CCDC91: variants seen among roughly 807,000 people sequenced by gnomAD.
CCDC91 encodes coiled-coil domain containing 91.
CCDC91 carries 48 observed loss-of-function variants against 63.2 expected under a neutral mutation model. The ratio of observed to expected loss-of-function variants is 0.76; its 90% CI spans 0.60 to 0.97. The LOEUF (loss-of-function observed/expected upper bound fraction) is 0.97, where lower values mean the gene tolerates loss of function less well. Ranked by LOEUF, CCDC91 falls within the 50% of genes least tolerant of loss-of-function variation. The probability of loss-of-function intolerance (pLI) is 0.00; values close to 1 mark genes in which losing one functional copy is unlikely to be tolerated. For missense variants in CCDC91, 500 were observed against 494.6 expected (o/e 1.01, Z -0.10); for synonymous variants, 167 against 165.8 (o/e 1.01, Z -0.06).
At chr12:28,379,133 A>G (rs1249410588) in intron 7 of CCDC91, among the ~76,000 whole-genome samples, 1 of 152,110 alleles carries the variant, frequency 6.6e-6, no homozygotes, top group African/African-American at 2.4e-5. Flanking sequence ...TCTGTTGTGT[A>G]GCAGACTTTT....
intron 8 of CCDC91, among the ~76,000 whole-genome samples, chr12:28,417,967 T>C (rs1947782709): frequency 6.6e-6 from 1 of 152,152 alleles, no homozygotes; most frequent in Non-Finnish European, 1.5e-5. Flanking sequence ...ATTTAGCAAT[T>C]GAAGGAAATT....
chr12:28,422,477 T>C (rs1454495589), intron 8 of CCDC91, among the ~76,000 whole-genome samples: 1 of 152,098 alleles, frequency 6.6e-6, no homozygotes, highest in Non-Finnish European at 1.5e-5. Flanking sequence ...ATTCTAAGCA[T>C]ACCATCAGGA....
chr12:28,506,871 A>G (rs1938786811), intron 12 of CCDC91, among the ~76,000 whole-genome samples: 1 of 151,818 alleles, frequency 6.6e-6, no homozygotes, highest in African/African-American at 2.4e-5. Flanking sequence ...AAAAAAAAAA[A>G]AAGACAAAAC....
At chr12:28,215,563 G>A (rs1307444990) in intron 1 of CCDC91, among the ~76,000 whole-genome samples, 2 of 152,022 alleles carry the variant, frequency 1.3e-5, no homozygotes, top group Non-Finnish European at 2.9e-5. Context: ...TAAGAAGAGT[G>A]GCCTTTAGCT....
chr12:28,218,699 T>TTGTGTGTGTGTG (rs60247849), intron 1 of CCDC91, among the ~76,000 whole-genome samples: 3 of 146,528 alleles, frequency 2.0e-5, no homozygotes, highest in Non-Finnish European at 3.0e-5. Flanking sequence ...TTGCAGATGT[T>TTGTGTGTGTGTG]TGTGTGTGTG....
intron 7 of CCDC91, among the ~76,000 whole-genome samples, chr12:28,363,116 G>A (rs1424499591): frequency 6.6e-6 from 1 of 151,792 alleles, no homozygotes; most frequent in African/African-American, 2.4e-5. Flanking sequence ...AGTAATTAAG[G>A]ATGAATATGT....
chr12:28,224,207 A>G (rs1944129531), intron 1 of CCDC91, among the ~76,000 whole-genome samples: 1 of 152,150 alleles, frequency 6.6e-6, no homozygotes, highest in African/African-American at 2.4e-5. Context: ...GTCATAATGC[A>G]GTTGGCTTAA....
chr12:28,322,005 A>C (rs1940554047), intron 6 of CCDC91, among the ~76,000 whole-genome samples: 1 of 151,764 alleles, frequency 6.6e-6, no homozygotes. Context: ...GCTTTAATTT[A>C]TAAATATATG....
chr12:28,257,002 A>C (rs1184435495), intron 1 of CCDC91, 200 bp from the exon 2 acceptor site: 1 of 467,384 alleles, frequency 2.1e-6, no homozygotes, highest in Non-Finnish European at 3.8e-6. Flanking sequence ...GGCAAAATAC[A>C]TGGTTGCTGA....
At chr12:28,197,134 C>T (rs1941828644) in intron 1 of CCDC91, among the ~76,000 whole-genome samples, 1 of 151,652 alleles carries the variant, frequency 6.6e-6, no homozygotes, top group Non-Finnish European at 1.5e-5. Context: ...TTCTTATATC[C>T]ACTGCCTCTG....
At chr12:28,426,648 G>C (rs1167634858) in intron 8 of CCDC91, among the ~76,000 whole-genome samples, 1 of 151,958 alleles carries the variant, frequency 6.6e-6, no homozygotes, top group East Asian at 1.9e-4. Flanking sequence ...TTGATTTCTA[G>C]CATTTTCCTT....
chr12:28,338,522 A>C (rs1340797483), intron 6 of CCDC91, among the ~76,000 whole-genome samples: 1 of 152,106 alleles, frequency 6.6e-6, no homozygotes, highest in Non-Finnish European at 1.5e-5. Context: ...TGGGTGCTGG[A>C]AGGGGTAATC....
At chr12:28,340,314 A>G (rs1209266526) in intron 6 of CCDC91, among the ~76,000 whole-genome samples, 1 of 152,158 alleles carries the variant, frequency 6.6e-6, no homozygotes, top group African/African-American at 2.4e-5. Flanking sequence ...GTATTCTCTT[A>G]TCTCCTTGTT....
At chr12:28,290,195 G>A (rs2136761828) in intron 3 of CCDC91, among the ~76,000 whole-genome samples, 2 of 152,244 alleles carry the variant, frequency 1.3e-5, no homozygotes, top group South Asian at 4.1e-4. Flanking sequence ...GTGCTCCTGT[G>A]TTGGTCGCAT....
chr12:28,492,406 A>G (rs1487992926), intron 12 of CCDC91, among the ~76,000 whole-genome samples: 2 of 151,732 alleles, frequency 1.3e-5, no homozygotes, highest in Non-Finnish European at 2.9e-5. Flanking sequence ...CTTATAATCT[A>G]TAATCACTTG....
chr12:28,309,601 C>T (rs1667924525), intron 6 of CCDC91, among the ~76,000 whole-genome samples: 2 of 151,960 alleles, frequency 1.3e-5, no homozygotes, highest in South Asian at 4.1e-4. Context: ...GTTAAATTTC[C>T]TATATAAATC....
chr12:28,242,458 A>T (rs1452246564), intron 1 of CCDC91, among the ~76,000 whole-genome samples: 1 of 152,190 alleles, frequency 6.6e-6, no homozygotes, highest in Non-Finnish European at 1.5e-5. Context: ...CAAACATAGG[A>T]AATAACAGAA....
chr12:28,228,501 A>G (rs1047559817), intron 1 of CCDC91, among the ~76,000 whole-genome samples: 1 of 152,094 alleles, frequency 6.6e-6, no homozygotes, highest in East Asian at 1.9e-4. Context: ...CGAATACAGA[A>G]TTCTTATCGA....
At chr12:28,198,974 C>T (rs1014853639) in intron 1 of CCDC91, 2 of 150,978 alleles carry the variant, frequency 1.3e-5, no homozygotes, top group Admixed American at 6.6e-5. Flanking sequence ...AGTGTAGTGG[C>T]GCCATCATAG....
Sources: allele counts gnomAD v4.1 joint callset (sites outside exome capture counted in the v4.1 genomes callset), GRCh38; gene constraint gnomAD v4.1.1; transcripts MANE v1.5; gene names NCBI Gene and HGNC (gene_info 2026-07-23, HGNC 2026-07-21).